Variants in GFRA1 observed in about 807,000 individuals in gnomAD.
GFRA1 encodes the protein GDNF family receptor alpha-1.
GFRA1 carries 16 observed loss-of-function variants against 51.6 expected under a neutral mutation model. That is an observed-to-expected ratio of 0.31 (90% CI 0.21 to 0.47). The LOEUF (loss-of-function observed/expected upper bound fraction) is 0.47. Ranked by LOEUF, GFRA1 falls within the 20% of genes least tolerant of loss-of-function variation. GFRA1 has a pLI of 1.00. For missense variants in GFRA1, 530 were observed against 594.3 expected (o/e 0.89, Z 1.13); for synonymous variants, 270 against 241.3 (o/e 1.12, Z -1.10).
At chr10:116,138,297 A>G (rs1565603246) in intron 5 of GFRA1, among the ~76,000 whole-genome samples, 1 of 152,194 alleles carries the variant, frequency 6.6e-6, no homozygotes, top group Admixed American at 6.5e-5. Flanking sequence ...CCATCTGAAA[A>G]TGTGTATTTT....
chr10:116,272,484 T>A lies in GFRA1; in HGVS notation c.-246-209A>T, dbSNP rs1351722065. 1 of 212,756 alleles carries A rather than the reference T, an allele frequency of 4.7e-6. No individual in the cohort carries two copies. The highest frequency in any genetic ancestry group is 2.3e-5 in the African/African-American group (1 of 43,772). 13.2% of individuals were successfully genotyped at this position (212,756 alleles called of 1,614,324 possible). On this transcript the variant is annotated intron_variant, in intron 1 of 10. Transcript: ENST00000355422. The surrounding 1 kb of genome is among the most constrained non-coding windows in gnomAD (Gnocchi z 4.4). Reference sequence around the variant, plus strand: ...GAGGGCTGGAGAGGTCTGAAGAGGGTTCCTAAAGTCCAAGGGGGTGTCTGT... The same window carrying A: ...GAGGGCTGGAGAGGTCTGAAGAGGGATCCTAAAGTCCAAGGGGGTGTCTGT...
rs1311535309 is a variant in GFRA1 at position 116,269,535 on chromosome 10, G to A, written c.386C>T (p.Ser129Leu). ...GAATGGGACCACCCGGAATATATCT[G>A]ACAATCTGCTGTTAACTGGTTCATA... ...SPYEPVNSRLSDIFRVVPFIS... is the reference protein window; with the variant it reads ...SPYEPVNSRLLDIFRVVPFIS... Residue 129 changes from serine to leucine, a missense_variant, in exon 4 of 11, where the codon TCA becomes TTA. Coordinates refer to ENST00000355422, the MANE Select transcript of GFRA1 (RefSeq NM_005264.8). The A allele has an allele frequency of 3.7e-6, 6 of 1,607,592 alleles. No homozygotes were observed. Among genetic ancestry groups the A allele is most frequent in the Non-Finnish European group, 5.1e-6 (6 of 1,174,040 alleles).
At chr10:116,250,154 G>A (rs1434608142) in intron 4 of GFRA1, among the ~76,000 whole-genome samples, 3 of 152,088 alleles carry the variant, frequency 2.0e-5, no homozygotes, top group African/African-American at 7.2e-5. Context: ...ATGGGAAATG[G>A]GGCTTGATGA....
chr10:116,097,841 C>A (rs146393093), intron 6 of GFRA1, among the ~76,000 whole-genome samples: 1 of 152,322 alleles, frequency 6.6e-6, no homozygotes, highest in East Asian at 1.9e-4. Context: ...ACTGTATTTT[C>A]TTGGCACACT....
intron 4 of GFRA1, among the ~76,000 whole-genome samples, chr10:116,253,266 G>C (rs1200757552): frequency 6.6e-6 from 1 of 152,236 alleles, no homozygotes. Flanking sequence ...CAGGATACCT[G>C]GAGGGCTCTG....
intron 4 of GFRA1, among the ~76,000 whole-genome samples, chr10:116,242,361 A>G (rs1967461572): frequency 6.6e-6 from 1 of 152,222 alleles, no homozygotes; most frequent in Admixed American, 6.5e-5. Context: ...TAAACGCAAC[A>G]TTCTATAAAA....
intron 6 of GFRA1, among the ~76,000 whole-genome samples, chr10:116,116,067 AC>A (rs1481256138): frequency 6.6e-6 from 1 of 151,778 alleles, no homozygotes; most frequent in Non-Finnish European, 1.5e-5. Context: ...CTTCCATCAC[AC>A]CTTTCACCAG....
Position 116,270,809 on chromosome 10 carries a change from G to A in GFRA1, c.334+13C>T. 1 of 1,606,388 alleles carries A rather than the reference G, an allele frequency of 6.2e-7. No homozygotes were observed. Among genetic ancestry groups the A allele is most frequent in the East Asian group, 2.2e-5 (1 of 44,742 alleles). On this transcript the variant is annotated intron_variant, in intron 3 of 10. Transcript: ENST00000355422. Reference sequence around the variant, plus strand: ...GAGGGACACGGGGTGGGGTGGGGAGGTTCCACGCGTACCCTGCAGGCTCTG... The same window carrying A: ...GAGGGACACGGGGTGGGGTGGGGAGATTCCACGCGTACCCTGCAGGCTCTG...
intron 5 of GFRA1, among the ~76,000 whole-genome samples, chr10:116,161,489 C>T (rs991624539): frequency 1.3e-5 from 2 of 152,264 alleles, no homozygotes; most frequent in Admixed American, 1.3e-4. Context: ...AAAATGTATA[C>T]CCTATTGATA....
At chr10:116,227,983 A>C (rs1966420523) in intron 4 of GFRA1, among the ~76,000 whole-genome samples, 1 of 152,260 alleles carries the variant, frequency 6.6e-6, no homozygotes, top group Non-Finnish European at 1.5e-5. Context: ...AGTGTGCTGT[A>C]AAGAACAAAG....
rs1218185261 is a variant in GFRA1 at position 116,270,973 on chromosome 10, G to A, written c.183C>T (p.Ser61=). Residue 61 remains serine, a synonymous_variant, in exon 3 of 11, where the codon AGC becomes AGT. Coordinates refer to ENST00000355422, the MANE Select transcript of GFRA1 (RefSeq NM_005264.8). ...CCTTGGCCTCCAGGCCGGATGCCAG[G>A]CTGAAGTTGGTCTCCTTGCCCGCCA... The part of the protein sequence containing the change: ...QCVAGKETNF[S]LASGLEAKDE... The A allele has an allele frequency of 1.9e-6, 3 of 1,614,230 alleles. No homozygotes were observed. Among genetic ancestry groups the A allele is most frequent in the Non-Finnish European group, 1.7e-6 (2 of 1,180,050 alleles).
chr10:116,073,341 C>T (rs1955485060), intron 9 of GFRA1, among the ~76,000 whole-genome samples: 1 of 152,176 alleles, frequency 6.6e-6, no homozygotes, highest in African/African-American at 2.4e-5. Context: ...CACCTTACAT[C>T]TTTTTTGCTT....
At chr10:116,071,265 C>G (rs899956469) in intron 9 of GFRA1, among the ~76,000 whole-genome samples, 2 of 152,152 alleles carry the variant, frequency 1.3e-5, no homozygotes, top group African/African-American at 2.4e-5. Context: ...CCTGCTCCCC[C>G]TGAAGATGCT....
intron 4 of GFRA1, among the ~76,000 whole-genome samples, chr10:116,215,080 A>C (rs1318894304): frequency 6.6e-6 from 1 of 152,190 alleles, no homozygotes; most frequent in Non-Finnish European, 1.5e-5. Context: ...GGAATACTCA[A>C]AGTTTATGTC....
chr10:116,067,826 T>G lies in GFRA1; in HGVS notation c.1198-2200A>C, dbSNP rs541851451. On this transcript the variant is annotated intron_variant, in intron 9 of 10. Coordinates refer to ENST00000355422, the MANE Select transcript of GFRA1 (RefSeq NM_005264.8). ...CAGGGAGACACACACAGGTGTAAAC[T>G]CCAAGGATCTTGTCTTCTACCTGGA... is the stretch of plus-strand genomic sequence containing the variant. 4.6e-5 allele frequency among the ~76,000 whole-genome samples: 7 copies of G among 152,270 alleles called. No homozygotes were observed. The South Asian group carries it at 1.5e-3, about 32-fold the overall frequency.
In GFRA1 at chr10:116,271,108, G is replaced by C. The variant is rs1843893500; in HGVS notation, c.48C>G (p.Leu16=). ...CTCCGCCGCTCACTTCGGCCGACAGGAGCAAGTCTGCGGGGCAGAGGGGAG... is the reference window on the plus strand; with the variant it reads ...CTCCGCCGCTCACTTCGGCCGACAGCAGCAAGTCTGCGGGGCAGAGGGGAG... ...LYFALPLLDL[L]LSAEVSGGDR... The change falls in exon 3 of 11, where the codon CTC becomes CTG. Residue 16 remains leucine, a synonymous_variant. Transcript: ENST00000355422. 2 of 1,605,330 alleles carry C rather than the reference G, an allele frequency of 1.2e-6. No homozygotes were observed. The highest frequency in any genetic ancestry group is 1.7e-6 in the Non-Finnish European group (2 of 1,173,206).
At chr10:116,147,779 T>C (rs1958871171) in intron 5 of GFRA1, among the ~76,000 whole-genome samples, 1 of 152,070 alleles carries the variant, frequency 6.6e-6, no homozygotes, top group Non-Finnish European at 1.5e-5. Context: ...AGGCAGCGAC[T>C]CTGCAAAAGG....
At chr10:116,094,765 T>C (rs998946721) in intron 7 of GFRA1, among the ~76,000 whole-genome samples, 1 of 152,194 alleles carries the variant, frequency 6.6e-6, no homozygotes, top group Non-Finnish European at 1.5e-5. Context: ...TATTCTTTAC[T>C]GACATGAACT....
At chr10:116,218,088 C>T (rs925309511) in intron 4 of GFRA1, among the ~76,000 whole-genome samples, 1 of 152,162 alleles carries the variant, frequency 6.6e-6, no homozygotes, top group Non-Finnish European at 1.5e-5. Context: ...GCCTTGACAT[C>T]AGTGATCCAA....
Sources: allele counts gnomAD v4.1 joint callset (sites outside exome capture counted in the v4.1 genomes callset), GRCh38; gene constraint gnomAD v4.1.1; non-coding constraint Gnocchi (gnomAD v3.1); transcripts MANE v1.5; gene names NCBI Gene and HGNC (gene_info 2026-07-23, HGNC 2026-07-21).